The following KAZN variants were observed in gnomAD, a reference collection of about 807,000 sequenced individuals.
KAZN encodes the protein kazrin, periplakin interacting protein.
In KAZN, 40 loss-of-function variants were observed where a neutral mutation model predicts 87.4. That is an observed-to-expected ratio of 0.46 (90% CI 0.36 to 0.60). The LOEUF (loss-of-function observed/expected upper bound fraction) is 0.60. Ranked by LOEUF, KAZN falls within the 20% of genes least tolerant of loss-of-function variation. KAZN has a pLI of 0.00. For synonymous variants in KAZN, 466 were observed against 458.3 expected (o/e 1.02, Z -0.22); for missense variants, 898 against 1,073.9 (o/e 0.84, Z 2.29).
chr1:14,379,518 G>A (rs1333164006), intron 2 of KAZN, among the ~76,000 whole-genome samples: 1 of 152,148 alleles, frequency 6.6e-6, no homozygotes, highest in African/African-American at 2.4e-5. Flanking sequence ...CCACTGTCCT[G>A]AAGGGTGAGT....
intron 1 of KAZN, among the ~76,000 whole-genome samples, chr1:14,005,672 T>C (rs1640005836): frequency 6.6e-6 from 1 of 152,218 alleles, no homozygotes; most frequent in South Asian, 2.1e-4. Context: ...CAGGCACTAC[T>C]GGGCTGAATG....
At chr1:14,299,952 T>C (rs953752335) in intron 2 of KAZN, among the ~76,000 whole-genome samples, 1 of 152,126 alleles carries the variant, frequency 6.6e-6, no homozygotes, top group African/African-American at 2.4e-5. Flanking sequence ...TGGGGAGGCT[T>C]TGTTATATAA....
At chr1:14,589,868 G>A (rs1676086686) in intron 2 of KAZN, among the ~76,000 whole-genome samples, 1 of 152,110 alleles carries the variant, frequency 6.6e-6, no homozygotes, top group South Asian at 2.1e-4. Flanking sequence ...AAAGCATCCT[G>A]GGAGTAGAAA....
rs1039867524 is a variant in KAZN, at chr1:14,619,234, C to T, written c.226+20011C>T. Among the ~76,000 whole-genome samples the T allele has an allele frequency of 2.6e-5, 4 of 151,560 alleles. No individual in the cohort carries two copies. The East Asian group carries it at 7.8e-4, about 29-fold the overall frequency. On this transcript the variant is annotated intron_variant, in intron 1 of 14. Coordinates refer to ENST00000376030, the MANE Select transcript of KAZN (RefSeq NM_201628.3). ...TTTTTTTAAGACAAAATTTTACTCTCTTGCCTGGGCTCAAGTGCAGTGATG... is the reference window on the plus strand; with the variant it reads ...TTTTTTTAAGACAAAATTTTACTCTTTTGCCTGGGCTCAAGTGCAGTGATG...
At chr1:14,354,655 C>G (rs945060555) in intron 2 of KAZN, among the ~76,000 whole-genome samples, 1 of 142,490 alleles carries the variant, frequency 7.0e-6, no homozygotes, top group African/African-American at 2.8e-5. Flanking sequence ...GACACACACA[C>G]ACACACACAC....
chr1:14,883,296 A>AAAAGAAAG (rs201246008), intron 1 of KAZN, among the ~76,000 whole-genome samples: 4 of 90,266 alleles, frequency 4.4e-5, no homozygotes, highest in African/African-American at 1.6e-4. Context: ...ACTCCATCTC[A>AAAAGAAAG]AAAGAAAGAA....
intron 1 of KAZN, among the ~76,000 whole-genome samples, chr1:14,794,139 C>T (rs531626292): frequency 5.9e-5 from 9 of 152,330 alleles, no homozygotes; most frequent in Admixed American, 4.6e-4. Flanking sequence ...TGGGCCCACT[C>T]TCCACCGGTT....
rs79006581 is a variant in KAZN at position 15,011,414 on chromosome 1, G to A, written c.419-23335G>A. Among the ~76,000 whole-genome samples the A allele has an allele frequency of 5.5e-3, 838 of 152,300 alleles. 12 individuals are homozygous for A. The highest frequency in any genetic ancestry group is 0.019 in the African/African-American group (794 of 41,570). On this transcript the variant is annotated intron_variant, in intron 2 of 14. Coordinates refer to ENST00000376030, the MANE Select transcript of KAZN (RefSeq NM_201628.3). ...GGCACAGGATGCCAGTCACCAGAAC[G>A]TGCAGCCTTGAGAGGTGGTTGTTTG...
chr1:14,155,098 T>A (rs1645564487), intron 1 of KAZN, among the ~76,000 whole-genome samples: 4 of 152,104 alleles, frequency 2.6e-5, no homozygotes, highest in Admixed American at 2.6e-4. Context: ...TTCGAATAGT[T>A]GGAGTATGAT....
chr1:14,094,170 G>A (rs1442429400), intron 1 of KAZN, among the ~76,000 whole-genome samples: 4 of 152,118 alleles, frequency 2.6e-5, no homozygotes, highest in Non-Finnish European at 5.9e-5. Flanking sequence ...TGAGAAACGG[G>A]AGGGCAGGAG....
chr1:14,496,280 C>G (rs1669938441), intron 2 of KAZN, among the ~76,000 whole-genome samples: 1 of 152,118 alleles, frequency 6.6e-6, no homozygotes, highest in African/African-American at 2.4e-5. Context: ...CTTCTTTCTG[C>G]TTATCAAGAA....
intron 2 of KAZN, among the ~76,000 whole-genome samples, chr1:14,967,770 C>A (rs1329545967): frequency 6.6e-6 from 1 of 152,216 alleles, no homozygotes; most frequent in Non-Finnish European, 1.5e-5. Context: ...CTGGGAAAGA[C>A]AAGGAAACAG....
chr1:13,984,492 A>G (rs185187271), intron 1 of KAZN, among the ~76,000 whole-genome samples: 91 of 152,350 alleles, frequency 6.0e-4, no homozygotes, highest in African/African-American at 2.1e-3. Context: ...TGACCTAATA[A>G]TTCTAATTTT....
chr1:15,080,226 A>T (rs1018021459), intron 8 of KAZN, among the ~76,000 whole-genome samples: 1 of 152,334 alleles, frequency 6.6e-6, no homozygotes, highest in Non-Finnish European at 1.5e-5. Context: ...GGGGGCGCCC[A>T]TGTGATTTTT....
At chr1:13,962,300 C>T (rs1641782990) in intron 1 of KAZN, among the ~76,000 whole-genome samples, 3 of 152,008 alleles carry the variant, frequency 2.0e-5, no homozygotes, top group Admixed American at 2.0e-4. Flanking sequence ...GGGGAGGTGA[C>T]TCTCACAAGG....
chr1:14,120,295 A>T (rs1417478722), intron 1 of KAZN, among the ~76,000 whole-genome samples: 1 of 151,968 alleles, frequency 6.6e-6, no homozygotes, highest in Admixed American at 6.6e-5. Context: ...GGTGCCGTGC[A>T]CTCTTTTAAA....
intron 1 of KAZN, among the ~76,000 whole-genome samples, chr1:14,106,227 A>G (rs1255699999): frequency 6.6e-6 from 1 of 152,172 alleles, no homozygotes; most frequent in Non-Finnish European, 1.5e-5. Context: ...CCCCAACAGA[A>G]CCCAACACAG....
chr1:14,350,349 A>G (rs1658446295), intron 2 of KAZN, among the ~76,000 whole-genome samples: 1 of 152,184 alleles, frequency 6.6e-6, no homozygotes. Context: ...AAGATTGCCT[A>G]AGAATATGAC....
At chr1:13,893,821 A>C (rs1037711168) in intron 1 of KAZN, 9 of 1,527,958 alleles carry the variant, frequency 5.9e-6, no homozygotes, top group Admixed American at 4.0e-5. Flanking sequence ...CCGGGTCCCC[A>C]AAAACAGCGG....
Sources: gnomAD v4.1 joint callset for allele counts (sites outside exome capture counted in the v4.1 genomes callset) on GRCh38, gnomAD v4.1.1 for gene constraint, MANE v1.5 for transcripts, NCBI Gene and HGNC (gene_info 2026-07-23, HGNC 2026-07-21) for gene names.